SH3BGR: variants seen among roughly 807,000 people sequenced by gnomAD.
SH3BGR encodes SH3 domain-binding glutamic acid-rich protein.
In SH3BGR, 29 loss-of-function variants were observed where a neutral mutation model predicts 24.5. The ratio of observed to expected loss-of-function variants is 1.18; its 90% confidence interval spans 0.88 to 1.61. SH3BGR has a LOEUF of 1.61. Ranked by LOEUF, SH3BGR falls within the 40% of genes most tolerant of loss-of-function variation. The probability of loss-of-function intolerance (pLI) is 0.00; values close to 1 mark genes in which losing one functional copy is unlikely to be tolerated. For missense variants in SH3BGR, 162 were observed against 205.8 expected (o/e 0.79, Z 1.30); for synonymous variants, 55 against 65.7 (o/e 0.84, Z 0.79).
chr21:39,502,851 G>A (rs1349231852), intron 4 of SH3BGR, among the ~76,000 whole-genome samples: 1 of 152,212 alleles, frequency 6.6e-6, no homozygotes, highest in Non-Finnish European at 1.5e-5. Flanking sequence ...TGTACAGAGT[G>A]CCTTGTGTTA....
At chr21:39,462,952 T>G (rs1418456588) in intron 2 of SH3BGR, among the ~76,000 whole-genome samples, 1 of 152,218 alleles carries the variant, frequency 6.6e-6, no homozygotes, top group Non-Finnish European at 1.5e-5. Flanking sequence ...GGTGCAATCA[T>G]GGCTCACTGC....
chr21:39,473,131 A>G (rs927111956), intron 2 of SH3BGR, among the ~76,000 whole-genome samples: 1 of 152,158 alleles, frequency 6.6e-6, no homozygotes, highest in African/African-American at 2.4e-5. Flanking sequence ...TATATTTGGT[A>G]GCATCAAGTC....
chr21:39,508,106 A>G (rs1392063261), intron 4 of SH3BGR, among the ~76,000 whole-genome samples: 1 of 152,212 alleles, frequency 6.6e-6, no homozygotes, highest in Non-Finnish European at 1.5e-5. Context: ...CTGTATAAAC[A>G]TGGTGCTGGG....
At chr21:39,487,349 C>T (rs2078228129) in intron 3 of SH3BGR, among the ~76,000 whole-genome samples, 1 of 152,110 alleles carries the variant, frequency 6.6e-6, no homozygotes, top group African/African-American at 2.4e-5. Flanking sequence ...CACCATGTTG[C>T]CCACACTGGA....
rs149814371 is a variant in SH3BGR at position 39,456,330 on chromosome 21, C to T, written c.45+4189C>T. 3.9e-3 allele frequency among the ~76,000 whole-genome samples: 591 copies of T among 152,302 alleles called. 3 individuals carry two copies. Among genetic ancestry groups the T allele is most frequent in the African/African-American group, 0.014 (577 of 41,556 alleles). ...AAAGTAAAACTGCCTAAAATGAAGG[C>T]ATCTCTACTCTTTGAAACAGCAAAG... On this transcript the variant is annotated intron_variant, in intron 1 of 6. Coordinates refer to ENST00000333634, the MANE Select transcript of SH3BGR (RefSeq NM_007341.3).
chr21:39,499,547 C>T (rs2078457639), intron 3 of SH3BGR, among the ~76,000 whole-genome samples: 1 of 152,198 alleles, frequency 6.6e-6, no homozygotes, highest in Non-Finnish European at 1.5e-5. Flanking sequence ...GAATTCTTCT[C>T]CTCATCAGCC....
chr21:39,449,452 TG>T (rs2077548860), upstream of SH3BGR, among the ~76,000 whole-genome samples: 2 of 152,232 alleles, frequency 1.3e-5, no homozygotes, highest in African/African-American at 4.8e-5. Flanking sequence ...ACCTTCTTTC[TG>T]AAGTGGATTT....
At chr21:39,457,654 G>A (rs1180705489) in intron 1 of SH3BGR, among the ~76,000 whole-genome samples, 2 of 151,466 alleles carry the variant, frequency 1.3e-5, no homozygotes, top group East Asian at 1.9e-4. Context: ...ACACCCAGCC[G>A]GGCACTGTGG....
chr21:39,472,659 C>G (rs368503723), intron 2 of SH3BGR, among the ~76,000 whole-genome samples: 1 of 152,158 alleles, frequency 6.6e-6, no homozygotes, highest in South Asian at 2.1e-4. Flanking sequence ...GTTATAAATT[C>G]TCAGAGGAGA....
chr21:39,458,603 G>C (rs186529870), intron 1 of SH3BGR, among the ~76,000 whole-genome samples: 37 of 149,432 alleles, frequency 2.5e-4, no homozygotes, highest in Admixed American at 1.0e-3. Context: ...CTCCCAAGAT[G>C]CTGGGATTAT....
chr21:39,460,515 T>A (rs1345436230), intron 1 of SH3BGR, among the ~76,000 whole-genome samples: 1 of 152,164 alleles, frequency 6.6e-6, no homozygotes, highest in Non-Finnish European at 1.5e-5. Flanking sequence ...AGAGTCTCAC[T>A]CTGTCGCCCA....
chr21:39,454,998 C>G (rs1319902813), intron 1 of SH3BGR, among the ~76,000 whole-genome samples: 1 of 152,212 alleles, frequency 6.6e-6, no homozygotes, highest in East Asian at 1.9e-4. Context: ...GATCAGAGCC[C>G]TTGCTCAGAA....
At chr21:39,453,954 A>G (rs2077614781) in intron 1 of SH3BGR, among the ~76,000 whole-genome samples, 2 of 152,220 alleles carry the variant, frequency 1.3e-5, no homozygotes, top group Admixed American at 1.3e-4. Flanking sequence ...AATTGTTATT[A>G]TTAGTTAGTT....
intron 3 of SH3BGR, among the ~76,000 whole-genome samples, chr21:39,477,208 C>G (rs2078041286): frequency 6.6e-6 from 1 of 152,068 alleles, no homozygotes; most frequent in African/African-American, 2.4e-5. Flanking sequence ...GTGTCATAAA[C>G]ATGTTTATGC....
upstream of SH3BGR, among the ~76,000 whole-genome samples, chr21:39,450,548 G>A (rs545394797): frequency 2.0e-5 from 3 of 152,246 alleles, no homozygotes; most frequent in African/African-American, 7.2e-5. Context: ...GCTTCGGAAC[G>A]TCGGTGCCAC....
rs961088078 is a variant in SH3BGR at position 39,452,200 on chromosome 21, A to G, written c.45+59A>G. ...CTTTTCTGAATAACTTAGGGTTGGA[A>G]ATATGGCCAACGTTGGCCTTCAGTT... On this transcript the variant is annotated intron_variant, in intron 1 of 6. Coordinates refer to ENST00000333634, the MANE Select transcript of SH3BGR (RefSeq NM_007341.3). 4.4e-6 allele frequency: 7 copies of G among 1,607,468 alleles called. No homozygotes were observed. The Admixed American group carries it at 6.8e-5, about 16-fold the overall frequency.
At chr21:39,468,094 C>T (rs976486833) in intron 2 of SH3BGR, among the ~76,000 whole-genome samples, 8 of 152,194 alleles carry the variant, frequency 5.3e-5, no homozygotes, top group Admixed American at 5.2e-4. Flanking sequence ...CCTGACTGAA[C>T]ACAAACAAAG....
intron 4 of SH3BGR, among the ~76,000 whole-genome samples, chr21:39,503,601 C>T (rs926653704): frequency 2.0e-5 from 3 of 152,186 alleles, no homozygotes; most frequent in Admixed American, 6.5e-5. Context: ...ACTCAATGCA[C>T]ACTTGTAGGC....
At chr21:39,510,194 G>T (rs888415886) in intron 5 of SH3BGR, among the ~76,000 whole-genome samples, 1 of 126,958 alleles carries the variant, frequency 7.9e-6, no homozygotes, top group Non-Finnish European at 1.6e-5. Flanking sequence ...CGCCCGCCTC[G>T]GCCTCCCAAA....
Sources: gnomAD v4.1 joint callset for allele counts (sites outside exome capture counted in the v4.1 genomes callset) on GRCh38, gnomAD v4.1.1 for gene constraint, MANE v1.5 for transcripts, NCBI Gene and HGNC (gene_info 2026-07-23, HGNC 2026-07-21) for gene names.